RGS20: variants seen among roughly 807,000 people sequenced by gnomAD.
The protein encoded by RGS20 is gz-selective GTPase-activating protein.
A neutral mutation model predicts 33.6 loss-of-function variants in RGS20; 30 were observed. That is an observed-to-expected ratio of 0.89 (90% CI 0.67 to 1.21). The LOEUF (loss-of-function observed/expected upper bound fraction) is 1.21. Among genes scored for constraint, RGS20 ranks in the 50% most tolerant of loss-of-function variants. RGS20 has a pLI of 0.00. For missense variants in RGS20, 472 were observed against 502.4 expected (o/e 0.94, Z 0.58); for synonymous variants, 208 against 197.9 (o/e 1.05, Z -0.43).
At chr8:53,869,830 C>A (rs564779723) in intron 1 of RGS20, among the ~76,000 whole-genome samples, 22 of 152,154 alleles carry the variant, frequency 1.4e-4, no homozygotes, top group Non-Finnish European at 2.9e-4. Context: ...GGCAGGACCA[C>A]AAGCAGGCCC....
intron 4 of RGS20, among the ~76,000 whole-genome samples, chr8:53,950,091 C>T (rs966049751): frequency 3.3e-5 from 5 of 152,062 alleles, no homozygotes; most frequent in African/African-American, 7.2e-5. Context: ...TCGCCCACCT[C>T]GTTCTCCCAA....
chr8:53,932,642 G>C (rs995438538), intron 2 of RGS20, among the ~76,000 whole-genome samples: 1 of 152,186 alleles, frequency 6.6e-6, no homozygotes. Flanking sequence ...GGGGCTTATA[G>C]ATAAAACTCT....
chr8:53,909,207 G>GTTTATA (rs1198520966), intron 2 of RGS20, among the ~76,000 whole-genome samples: 1 of 83,154 alleles, frequency 1.2e-5, no homozygotes, highest in Admixed American at 1.5e-4. Flanking sequence ...TATGGTATGT[G>GTTTATA]TGTATATATA....
chr8:53,909,209 G>GTA (rs1178436696), intron 2 of RGS20, among the ~76,000 whole-genome samples: 2,001 of 43,508 alleles, frequency 0.046, 51 homozygotes, highest in Admixed American at 0.052. Flanking sequence ...TGGTATGTGT[G>GTA]TATATATATA....
intron 1 of RGS20, chr8:53,876,148 A>C (rs1812202575): frequency 6.6e-6 from 1 of 152,246 alleles, no homozygotes; most frequent in Non-Finnish European, 1.5e-5. Flanking sequence ...CTAACTTCAA[A>C]TTCTATTTGA....
chr8:53,953,930 G>A (rs1408212707), intron 4 of RGS20, 146 bp from the exon 4 acceptor site: 3 of 685,504 alleles, frequency 4.4e-6, no homozygotes, highest in African/African-American at 3.7e-5. Flanking sequence ...TTGAGGAAAT[G>A]CGAACAGTTC....
At chr8:53,916,982 C>G (rs887475966) in intron 2 of RGS20, among the ~76,000 whole-genome samples, 1 of 152,150 alleles carries the variant, frequency 6.6e-6, no homozygotes, top group Admixed American at 6.5e-5. Context: ...ATGACCTAAT[C>G]ACTCCCTAGG....
Position 53,879,494 on chromosome 8 carries a change from G to A in RGS20, c.402G>A (p.Ala134=), listed in dbSNP as rs200234716. The change falls in exon 2 of 6, where the codon GCG becomes GCA. Residue 134 remains alanine, a synonymous_variant. Transcript: ENST00000297313. ...GCCTCTCGCTCCTGCTCGGGGCGGCGCTGGCACTGCCCGGCCGACCCTCGG... is the reference window on the plus strand; with the variant it reads ...GCCTCTCGCTCCTGCTCGGGGCGGCACTGGCACTGCCCGGCCGACCCTCGG... The A allele has an allele frequency of 7.1e-5, 111 of 1,558,358 alleles. 1 individual carries two copies. Among genetic ancestry groups the A allele is most frequent in the South Asian group, 1.2e-5 (1 of 85,000 alleles).
intron 3 of RGS20, among the ~76,000 whole-genome samples, chr8:53,940,250 A>G (rs1156271902): frequency 6.6e-6 from 1 of 152,084 alleles, no homozygotes; most frequent in African/African-American, 2.4e-5. Flanking sequence ...ACACACAGAC[A>G]GTCATTGCTT....
At chr8:53,872,930 A>T (rs1399375251) in intron 1 of RGS20, among the ~76,000 whole-genome samples, 1 of 152,092 alleles carries the variant, frequency 6.6e-6, no homozygotes, top group Admixed American at 6.5e-5. Context: ...GAACTCTTTT[A>T]TCTTCCTGAT....
At chr8:53,910,536 A>G (rs1334963015) in intron 2 of RGS20, among the ~76,000 whole-genome samples, 5 of 152,214 alleles carry the variant, frequency 3.3e-5, no homozygotes, top group Non-Finnish European at 7.3e-5. Flanking sequence ...ACAAGTTGGC[A>G]TGTTCTTAGA....
intron 4 of RGS20, among the ~76,000 whole-genome samples, chr8:53,949,967 G>A (rs1814662282): frequency 6.6e-6 from 1 of 151,510 alleles, no homozygotes. Context: ...AGCCTCCCAA[G>A]TAACTGGGAT....
chr8:53,945,082 A>T (rs1814433962), intron 3 of RGS20, among the ~76,000 whole-genome samples: 1 of 152,210 alleles, frequency 6.6e-6, no homozygotes, highest in African/African-American at 2.4e-5. Context: ...TTACCATATG[A>T]CTCAGCAGTT....
intron 2 of RGS20, among the ~76,000 whole-genome samples, chr8:53,938,072 G>A (rs1814185508): frequency 3.9e-5 from 6 of 152,268 alleles, no homozygotes; most frequent in Admixed American, 2.6e-4. Context: ...CTACTATAAA[G>A]ACACATGTAC....
At chr8:53,943,841 C>CTCT in intron 3 of RGS20, among the ~76,000 whole-genome samples, 1 of 152,040 alleles carries the variant, frequency 6.6e-6, no homozygotes, top group Admixed American at 6.6e-5. Context: ...ATGCAGAGAG[C>CTCT]GTACCACTCA....
At chr8:53,915,724 A>T (rs1813464530) in intron 2 of RGS20, among the ~76,000 whole-genome samples, 2 of 152,160 alleles carry the variant, frequency 1.3e-5, no homozygotes, top group Non-Finnish European at 2.9e-5. Context: ...CTTCTGAATC[A>T]TCTGAGGACA....
intron 2 of RGS20, among the ~76,000 whole-genome samples, chr8:53,908,562 C>T (rs567218158): frequency 2.0e-5 from 3 of 152,118 alleles, no homozygotes; most frequent in Admixed American, 2.0e-4. Flanking sequence ...ATCTCTTCAA[C>T]CTGGGAGGCA....
At chr8:53,906,349 C>T (rs1220865770) in intron 2 of RGS20, among the ~76,000 whole-genome samples, 2 of 151,636 alleles carry the variant, frequency 1.3e-5, no homozygotes, top group East Asian at 3.9e-4. Context: ...GCACTCCAGC[C>T]TGGGTGACAG....
At chr8:53,935,270 T>A (rs1264829580) in intron 2 of RGS20, among the ~76,000 whole-genome samples, 1 of 151,924 alleles carries the variant, frequency 6.6e-6, no homozygotes, top group Admixed American at 6.6e-5. Flanking sequence ...AGAGCAGAAC[T>A]GAAGGAGGAC....
Sources: allele counts gnomAD v4.1 joint callset (sites outside exome capture counted in the v4.1 genomes callset), GRCh38; gene constraint gnomAD v4.1.1; transcripts MANE v1.5; gene names NCBI Gene and HGNC (gene_info 2026-07-23, HGNC 2026-07-21).